The following FGD3 variants were observed in gnomAD, a reference collection of about 807,000 sequenced individuals.
FGD3 encodes the protein FYVE, RhoGEF and PH domain containing 3, also known as FYVE, RhoGEF and PH domain-containing protein 3.
A neutral mutation model predicts 71.8 loss-of-function variants in FGD3; 45 were observed. The ratio of observed to expected loss-of-function variants is 0.63; its 90% CI spans 0.49 to 0.80. FGD3 has a LOEUF of 0.80. Among genes scored for constraint, FGD3 ranks in the 30% least tolerant of loss-of-function variants. FGD3 has a pLI of 0.00. For synonymous variants in FGD3, 378 were observed against 392.8 expected, an observed-to-expected ratio of 0.96 and a Z score of 0.44; for missense variants, 844 against 951.5, an observed-to-expected ratio of 0.89 and a Z score of 1.49.
Position 93,003,912 on chromosome 9 carries a change from C to T in FGD3, c.544-89C>T. On this transcript the variant is annotated intron_variant, in intron 4 of 17. Transcript: ENST00000375482. The surrounding 1 kb of genome is among the most constrained non-coding windows in gnomAD (Gnocchi z 4.1). ...ACAAGGTGGCAGCAGCGGCCCCTCC[C>T]GAGCGCCCTCACCTGTGGCCGAAGC... is the stretch of plus-strand genomic sequence containing the variant. 1.3e-6 allele frequency: 2 copies of T among 1,521,104 alleles called. No individual in the cohort carries two copies. The highest frequency in any genetic ancestry group is 1.8e-6 in the Non-Finnish European group (2 of 1,115,840). 94.2% of individuals were successfully genotyped at this position (1,521,104 alleles called of 1,614,324 possible).
chr9:92,976,571 G>C lies in FGD3; in HGVS notation c.315G>C (p.Leu105=). ...AGGCTGGCCCAAGCCCCACTGTACTGGGGGCGCACGCAGAGATGGCCCTGG... is the reference window on the plus strand; with the variant it reads ...AGGCTGGCCCAAGCCCCACTGTACTCGGGGCGCACGCAGAGATGGCCCTGG... ...GLEAGPSPTV[L]GAHAEMALDS... is the part of the protein sequence containing the mutation. Residue 105 remains leucine, a synonymous_variant, in exon 3 of 18, where the codon CTG becomes CTC. Coordinates refer to ENST00000375482, the MANE Select transcript of FGD3 (RefSeq NM_001083536.2). 1 of 1,612,626 alleles carries C rather than the reference G, an allele frequency of 6.2e-7. No homozygotes were observed. The highest frequency in any genetic ancestry group is 8.5e-7 in the Non-Finnish European group (1 of 1,179,856).
intron 13 of FGD3, among the ~76,000 whole-genome samples, chr9:93,020,818 T>C (rs973649239): frequency 6.6e-6 from 1 of 152,162 alleles, no homozygotes. Context: ...CGGCCACCTT[T>C]CCATGGCAGC....
At chr9:93,031,324 C>T (rs1310615134) in intron 15 of FGD3, among the ~76,000 whole-genome samples, 1 of 152,184 alleles carries the variant, frequency 6.6e-6, no homozygotes, top group African/African-American at 2.4e-5. Context: ...CTGCTCAGCT[C>T]CAGGCTTCAG....
In FGD3 at chr9:92,969,517, G is replaced by A. The variant is rs558485486; in HGVS notation, c.-217-5721G>A. ...TTTAAAAACCACCACTAACGCGTTTGTTGCTCCCCCTACATAACATGCCAT... is the reference window on the plus strand; with the variant it reads ...TTTAAAAACCACCACTAACGCGTTTATTGCTCCCCCTACATAACATGCCAT... On this transcript the variant is annotated intron_variant, in intron 1 of 17. Coordinates refer to ENST00000375482, the MANE Select transcript of FGD3 (RefSeq NM_001083536.2). This position sits in a 1 kb window ranked among gnomAD's most constrained non-coding sequence, Gnocchi z 4.5. Among the ~76,000 whole-genome samples the A allele has an allele frequency of 2.0e-5, 3 of 152,328 alleles. No individual in the cohort carries two copies. The highest frequency in any genetic ancestry group is 4.1e-4 in the South Asian group (2 of 4,826).
At chr9:93,015,561 T>G in intron 9 of FGD3, 176 bp from the exon 10 acceptor site, 1 of 459,050 alleles carries the variant, frequency 2.2e-6, no homozygotes, top group South Asian at 5.0e-5. Context: ...GCGACTAGAG[T>G]CTCCTCACTC....
chr9:93,032,658 TAA>T, intron 15 of FGD3, 109 bp from the exon 16 acceptor site: 1 of 952,930 alleles, frequency 1.0e-6, no homozygotes, highest in Non-Finnish European at 1.7e-6. Context: ...CACACTGTGT[TAA>T]GTCTCCTCCC....
intron 1 of FGD3, among the ~76,000 whole-genome samples, chr9:92,959,016 G>T (rs1859117588): frequency 6.6e-6 from 1 of 152,256 alleles, no homozygotes; most frequent in African/African-American, 2.4e-5. Context: ...CTGGAGTGCA[G>T]TGGCATGATC....
chr9:92,951,437 G>A (rs1310136919), intron 1 of FGD3, among the ~76,000 whole-genome samples: 1 of 152,228 alleles, frequency 6.6e-6, no homozygotes, highest in Non-Finnish European at 1.5e-5. Context: ...AACACTTTGA[G>A]AGGCCGAGAT....
chr9:92,990,353 T>C (rs1860361111), intron 3 of FGD3, among the ~76,000 whole-genome samples: 1 of 152,206 alleles, frequency 6.6e-6, no homozygotes, highest in Non-Finnish European at 1.5e-5. Flanking sequence ...AAAAAGATTA[T>C]ATAATCTGCA....
intron 14 of FGD3, among the ~76,000 whole-genome samples, chr9:93,028,346 A>G (rs1306986322): frequency 6.8e-6 from 1 of 147,810 alleles, no homozygotes; most frequent in Non-Finnish European, 1.5e-5. Context: ...CAGGAAAAAA[A>G]AAAAAAAAGA....
intron 8 of FGD3, among the ~76,000 whole-genome samples, chr9:93,013,618 A>G (rs1442771396): frequency 1.3e-5 from 2 of 152,216 alleles, no homozygotes; most frequent in African/African-American, 2.4e-5. Flanking sequence ...CATGGCTCAC[A>G]GCAATGGTTA....
chr9:92,971,561 CTTTTCTTTTTTTTTT>C (rs1274912572), intron 1 of FGD3, among the ~76,000 whole-genome samples: 3 of 63,242 alleles, frequency 4.7e-5, no homozygotes, highest in African/African-American at 1.9e-4. Flanking sequence ...CTTTTCTTTT[CTTTTCTTTTTTTTTT>C]TTTTTTTTTT....
chr9:93,026,949 T>C (rs942298491), intron 14 of FGD3, among the ~76,000 whole-genome samples: 1 of 152,170 alleles, frequency 6.6e-6, no homozygotes, highest in Non-Finnish European at 1.5e-5. Context: ...CTTCCCAGCC[T>C]CTCTGGGTGC....
chr9:93,016,473 G>A (rs1047450416), intron 10 of FGD3, among the ~76,000 whole-genome samples: 6 of 151,176 alleles, frequency 4.0e-5, no homozygotes, highest in Admixed American at 1.3e-4. Context: ...GTGTAGCTGC[G>A]ATTACAGGTG....
At chr9:93,029,617 A>G (rs1862277891) in intron 14 of FGD3, among the ~76,000 whole-genome samples, 1 of 152,362 alleles carries the variant, frequency 6.6e-6, no homozygotes, top group African/African-American at 2.4e-5. Flanking sequence ...TCATTGGCCA[A>G]GTTGTTCCAA....
rs1419987503 is a variant in FGD3 at position 92,947,645 on chromosome 9, G to A, written c.-302G>A. ...GCTCCTCTGGAAGCGGCTCCGGCAA[G>A]TATCGAGTTTGCCTGTGCGGAGCTG... On this transcript the variant is annotated 5_prime_UTR_variant, in exon 1 of 18. Coordinates refer to ENST00000375482, the MANE Select transcript of FGD3 (RefSeq NM_001083536.2). 6.6e-6 allele frequency: 1 copy of A among 152,328 alleles called. No homozygotes were observed. 9.4% of individuals were successfully genotyped at this position (152,328 alleles called of 1,614,324 possible). A position where few individuals can be genotyped will look rare whatever the true frequency, so the allele number is the denominator to read the frequency against.
chr9:93,012,348 G>C (rs1013901972), intron 8 of FGD3, among the ~76,000 whole-genome samples: 6 of 152,120 alleles, frequency 3.9e-5, no homozygotes, highest in Non-Finnish European at 8.8e-5. Flanking sequence ...ACACTAAGGA[G>C]AGTGAGAGCT....
At chr9:92,976,135 A>G in intron 2 of FGD3, 73 bp from the exon 3 acceptor site, 1 of 917,306 alleles carries the variant, frequency 1.1e-6, no homozygotes, top group Non-Finnish European at 1.6e-6. Context: ...TGGGAGCTGC[A>G]TTTGGGGGTT....
At chr9:92,957,740 A>G (rs1165437359) in intron 1 of FGD3, among the ~76,000 whole-genome samples, 2 of 142,434 alleles carry the variant, frequency 1.4e-5, no homozygotes, top group Non-Finnish European at 3.0e-5. Context: ...GTGCAGCAGT[A>G]GCATGATCTC....
Sources: gnomAD v4.1 joint callset for allele counts (sites outside exome capture counted in the v4.1 genomes callset) on GRCh38, gnomAD v4.1.1 for gene constraint, Gnocchi (gnomAD v3.1) non-coding constraint, MANE v1.5 for transcripts, NCBI Gene and HGNC (gene_info 2026-07-23, HGNC 2026-07-21) for gene names.